ERBB4: variants seen among roughly 807,000 people sequenced by gnomAD.
ERBB4 encodes receptor tyrosine-protein kinase erbB-4.
Under a neutral mutation model 158.0 loss-of-function variants are expected in ERBB4, and 42 were observed. The observed-to-expected ratio is 0.27, with a 90% CI of 0.21 to 0.34. ERBB4 has a LOEUF of 0.34. ERBB4 is among the 10% of genes least tolerant of loss of function. The pLI is 1.00. For synonymous variants in ERBB4, 583 were observed against 558.7 expected (o/e 1.04, Z -0.61); for missense variants, 1,333 against 1,624.1 (o/e 0.82, Z 3.08).
chr2:211,696,787 A>G (rs769593074), intron 12 of ERBB4, among the ~76,000 whole-genome samples: 8 of 152,040 alleles, frequency 5.3e-5, no homozygotes, highest in African/African-American at 7.3e-5. Context: ...CTCCTGCCTC[A>G]GCCTCCCCAG....
At chr2:212,211,925 T>C (rs2082949051) in intron 1 of ERBB4, among the ~76,000 whole-genome samples, 1 of 146,730 alleles carries the variant, frequency 6.8e-6, no homozygotes, top group African/African-American at 2.4e-5. Context: ...GTATTCCATG[T>C]TGTATATGTA....
At chr2:212,429,062 G>A (rs2091971366) in intron 1 of ERBB4, 2 of 152,232 alleles carry the variant, frequency 1.3e-5, no homozygotes, top group Admixed American at 6.6e-5. Flanking sequence ...TAGGGACAGT[G>A]CAGGAATGAG....
At chr2:212,148,595 T>C (rs2080761219) in intron 1 of ERBB4, among the ~76,000 whole-genome samples, 1 of 152,282 alleles carries the variant, frequency 6.6e-6, no homozygotes, top group East Asian at 1.9e-4. Context: ...AAGACATGGT[T>C]GGTTTCCTGA....
rs374293067 is a variant in ERBB4 at position 211,898,438 on chromosome 2, A to G, written c.421+48992T>C. ...CCACAAATGATATTACAGAGGCATA[A>G]TAGATTTTCTTCAAGTGTCTATACA... is the stretch of plus-strand genomic sequence containing the variant. On this transcript the variant is annotated intron_variant, in intron 3 of 27. Transcript: ENST00000342788. 7.9e-5 allele frequency among the ~76,000 whole-genome samples: 12 copies of G among 152,294 alleles called. No homozygotes were observed. In the East Asian group the frequency reaches 1.5e-3, roughly 20 times the overall value.
intron 1 of ERBB4, among the ~76,000 whole-genome samples, chr2:212,261,675 T>C (rs1388908801): frequency 6.6e-6 from 1 of 152,156 alleles, no homozygotes; most frequent in Non-Finnish European, 1.5e-5. Flanking sequence ...GCTCAGATGC[T>C]TTAATGACCT....
intron 1 of ERBB4, among the ~76,000 whole-genome samples, chr2:212,362,047 G>A (rs1031859008): frequency 6.6e-6 from 1 of 151,448 alleles, no homozygotes; most frequent in Non-Finnish European, 1.5e-5. Flanking sequence ...ACTGAGGTTA[G>A]GTTATAAAAA....
intron 1 of ERBB4, among the ~76,000 whole-genome samples, chr2:212,449,669 A>AT (rs918802687): frequency 1.3e-5 from 2 of 152,048 alleles, no homozygotes; most frequent in African/African-American, 4.8e-5. Context: ...AGCTATTCAC[A>AT]TTGCATTAAT....
At chr2:212,066,635 T>C (rs901094088) in intron 2 of ERBB4, among the ~76,000 whole-genome samples, 1 of 151,998 alleles carries the variant, frequency 6.6e-6, no homozygotes, top group African/African-American at 2.4e-5. Context: ...TTTTAAATTG[T>C]TTTATGCTAC....
At chr2:212,456,871 C>T (rs747390809) in intron 1 of ERBB4, among the ~76,000 whole-genome samples, 12 of 151,872 alleles carry the variant, frequency 7.9e-5, no homozygotes, top group Non-Finnish European at 1.2e-4. Context: ...ATTAAGTAGA[C>T]AGACAAAATT....
At chr2:212,117,714 A>G (rs1192443820) in intron 2 of ERBB4, among the ~76,000 whole-genome samples, 1 of 152,152 alleles carries the variant, frequency 6.6e-6, no homozygotes, top group Admixed American at 6.6e-5. Flanking sequence ...GAAATATGAG[A>G]TTGTAATTCA....
At chr2:211,547,472 T>A (rs2066973818) in intron 20 of ERBB4, among the ~76,000 whole-genome samples, 1 of 152,084 alleles carries the variant, frequency 6.6e-6, no homozygotes, top group African/African-American at 2.4e-5. Flanking sequence ...TAAAATCGCA[T>A]GCACACACCT....
At chr2:211,857,498 C>CT (rs11349548) in intron 3 of ERBB4, among the ~76,000 whole-genome samples, 2,162 of 149,098 alleles carry the variant, frequency 0.015, 56 homozygotes, top group African/African-American at 0.048. Context: ...TTGAAAATTA[C>CT]TTTTTTTTTT....
chr2:211,859,268 C>T (rs1213402946), intron 3 of ERBB4, among the ~76,000 whole-genome samples: 1 of 152,170 alleles, frequency 6.6e-6, no homozygotes, highest in Non-Finnish European at 1.5e-5. Flanking sequence ...CTTAAAATCT[C>T]TTTCTCTAGA....
intron 1 of ERBB4, among the ~76,000 whole-genome samples, chr2:212,505,834 C>T (rs1008595002): frequency 6.7e-6 from 1 of 149,004 alleles, no homozygotes; most frequent in Non-Finnish European, 1.5e-5. Flanking sequence ...TATCTTCTGA[C>T]ACCATCTACG....
At chr2:211,611,584 C>T (rs962981325) in intron 19 of ERBB4, among the ~76,000 whole-genome samples, 4 of 152,194 alleles carry the variant, frequency 2.6e-5, no homozygotes, top group East Asian at 3.9e-4. Flanking sequence ...AACCTTCAAT[C>T]GAAAGAAGAA....
intron 2 of ERBB4, among the ~76,000 whole-genome samples, chr2:212,123,928 T>C (rs1042021070): frequency 6.6e-6 from 1 of 152,208 alleles, no homozygotes; most frequent in African/African-American, 2.4e-5. Flanking sequence ...AGATCAAATG[T>C]ATTCTAGGGA....
At chr2:212,525,189 A>G (rs1692383544) in intron 1 of ERBB4, among the ~76,000 whole-genome samples, 1 of 152,058 alleles carries the variant, frequency 6.6e-6, no homozygotes, top group Admixed American at 6.6e-5. Context: ...CCACATTCCT[A>G]GTAGAAAGAA....
chr2:211,696,052 CCCCT>C (rs1223506948), intron 12 of ERBB4, among the ~76,000 whole-genome samples: 17 of 112,964 alleles, frequency 1.5e-4, no homozygotes, highest in South Asian at 1.5e-3. Context: ...TCCCCTTCCC[CCCCT>C]CCCTCCCTCC....
chr2:212,152,091 T>A (rs181375291), intron 1 of ERBB4, among the ~76,000 whole-genome samples: 15 of 152,318 alleles, frequency 9.8e-5, no homozygotes, highest in Admixed American at 9.8e-4. Flanking sequence ...GCATATTTAA[T>A]AGATCATAAG....
Sources: gnomAD v4.1 joint callset for allele counts (sites outside exome capture counted in the v4.1 genomes callset) on GRCh38, gnomAD v4.1.1 for gene constraint, MANE v1.5 for transcripts, NCBI Gene and HGNC (gene_info 2026-07-23, HGNC 2026-07-21) for gene names.